Variants in TYW1 observed in about 807,000 individuals in gnomAD.
TYW1 encodes the protein S-adenosyl-L-methionine-dependent tRNA 4-demethylwyosine synthase TYW1.
A neutral mutation model predicts 96.2 loss-of-function variants in TYW1; 46 were observed. That is an observed-to-expected ratio of 0.48 (90% CI 0.38 to 0.61). The LOEUF is 0.61. Among genes scored for constraint, TYW1 ranks in the 20% least tolerant of loss-of-function variants. TYW1 has a pLI of 0.00. For synonymous variants in TYW1, 274 were observed against 323.0 expected (o/e 0.85, Z 1.63); for missense variants, 684 against 909.6 (o/e 0.75, Z 3.19).
intron 11 of TYW1, among the ~76,000 whole-genome samples, chr7:67,085,045 A>G (rs780423367): frequency 4.3e-4 from 65 of 152,320 alleles, no homozygotes; most frequent in Non-Finnish European, 6.9e-4. Context: ...AAATAGTCCC[A>G]GCCAAGACTG....
chr7:67,079,619 T>G (rs1303424085), intron 10 of TYW1, among the ~76,000 whole-genome samples: 1 of 152,002 alleles, frequency 6.6e-6, no homozygotes, highest in African/African-American at 2.4e-5. Context: ...TTATTATTTT[T>G]TTCTGTTCTA....
At chr7:67,034,985 C>G (rs1239754432) in intron 7 of TYW1, among the ~76,000 whole-genome samples, 4 of 152,200 alleles carry the variant, frequency 2.6e-5, no homozygotes, top group African/African-American at 9.6e-5. Context: ...ATCAATCTTT[C>G]AAATCTTGTC....
intron 2 of TYW1, 93 bp downstream of exon 2, chr7:66,998,288 G>A (rs1325623426): frequency 1.6e-5 from 23 of 1,482,490 alleles, no homozygotes; most frequent in Non-Finnish European, 1.8e-5. Context: ...TTACTTTTGT[G>A]TTTGGTCTTT....
At chr7:67,039,174 A>AGGCC (rs1484468453) in intron 7 of TYW1, among the ~76,000 whole-genome samples, 13 of 152,118 alleles carry the variant, frequency 8.5e-5, no homozygotes, top group African/African-American at 3.1e-4. Context: ...AATGACAAGT[A>AGGCC]GGCCGGGTGC....
chr7:67,112,177 A>G (rs1797438815), intron 12 of TYW1, among the ~76,000 whole-genome samples: 1 of 151,818 alleles, frequency 6.6e-6, no homozygotes. Context: ...ACAAGTTCAC[A>G]ATCTTTTACC....
chr7:67,137,196 G>GAA (rs1375538942), intron 13 of TYW1, among the ~76,000 whole-genome samples: 3 of 152,136 alleles, frequency 2.0e-5, no homozygotes, highest in Admixed American at 6.6e-5. Context: ...TTTCTAGAAA[G>GAA]AAAGATGCTA....
At chr7:67,037,924 A>G (rs538597243) in intron 7 of TYW1, among the ~76,000 whole-genome samples, 54 of 152,362 alleles carry the variant, frequency 3.5e-4, no homozygotes, top group Non-Finnish European at 5.9e-4. Flanking sequence ...TTCCTAATAC[A>G]TGTCATGTGT....
intron 13 of TYW1, among the ~76,000 whole-genome samples, chr7:67,134,541 CA>C (rs397947738): frequency 1.2e-3 from 159 of 137,074 alleles, no homozygotes; most frequent in Admixed American, 1.3e-3. Flanking sequence ...GACTTCATCT[CA>C]AAAAAAAAAA....
intron 9 of TYW1, among the ~76,000 whole-genome samples, chr7:67,066,548 A>G (rs1050854101): frequency 1.3e-5 from 2 of 152,170 alleles, no homozygotes; most frequent in Non-Finnish European, 2.9e-5. Context: ...AATGTCTCAA[A>G]TATGTATGCT....
Position 67,100,026 on chromosome 7 carries a change from G to A in TYW1, c.1562+1308G>A, listed in dbSNP as rs1317424627. On this transcript the variant is annotated intron_variant, in intron 12 of 15. Coordinates refer to ENST00000359626, the MANE Select transcript of TYW1 (RefSeq NM_018264.4). ...TCAAAAAAAAAAAGATGCTATTGAA[G>A]GATTGCTAGGTATGATTGGCAAACT... Among the ~76,000 whole-genome samples the A allele has an allele frequency of 2.6e-5, 4 of 152,108 alleles. No individual in the cohort carries two copies. The East Asian group carries it at 7.7e-4, about 29-fold the overall frequency.
chr7:67,234,356 A>AGG (rs1160716801), intron 15 of TYW1, among the ~76,000 whole-genome samples: 46 of 150,994 alleles, frequency 3.0e-4, no homozygotes, highest in Middle Eastern at 3.4e-3. Context: ...CTTAAAAAAA[A>AGG]AAAAAAAAAA....
chr7:67,137,665 C>T (rs879915229), intron 13 of TYW1, among the ~76,000 whole-genome samples: 16 of 152,016 alleles, frequency 1.1e-4, no homozygotes, highest in Admixed American at 3.9e-4. Flanking sequence ...ACTTGGTCTG[C>T]GTGGCTGAGC....
rs370325464 is a variant in TYW1, at chr7:66,996,945, C to T, written c.-34C>T. 7 of 1,613,910 alleles carry T rather than the reference C, an allele frequency of 4.3e-6. No individual in the cohort carries two copies. In the African/African-American group the frequency reaches 8.0e-5, roughly 18 times the overall value. ...GTGCGAATCATCGGGCTATCCAGGT[C>T]CGAGATCCTAGTCTCCTGTCGGCTC... On this transcript the variant is annotated 5_prime_UTR_variant, in exon 1 of 16. Coordinates refer to ENST00000359626, the MANE Select transcript of TYW1 (RefSeq NM_018264.4).
chr7:67,167,989 A>G (rs9654851), intron 13 of TYW1, among the ~76,000 whole-genome samples: 42,584 of 151,672 alleles, frequency 0.28, 6,500 homozygotes, highest in African/African-American at 0.4. Context: ...TCCTGACCTC[A>G]TGATCCGCCC....
intron 3 of TYW1, among the ~76,000 whole-genome samples, chr7:67,002,932 CT>C (rs1172886027): frequency 1.4e-5 from 2 of 148,126 alleles, no homozygotes; most frequent in African/African-American, 5.0e-5. Context: ...TCCCAAAGTG[CT>C]GGGATTTTTG....
chr7:67,168,123 A>ATCTG lies in TYW1; in HGVS notation c.1699-15002_1699-15001insCTGT, dbSNP rs1378012342. ...TTTTTATTCCTAGCTTTATGTGACT[A>ATCTG]TTATCAATGGCTATTGGGTTTTTAT... On this transcript the variant is annotated intron_variant, in intron 13 of 15. Transcript: ENST00000359626. Among the ~76,000 whole-genome samples the ATCTG allele has an allele frequency of 3.6e-4, 50 of 138,936 alleles. 1 individual carries two copies. The highest frequency in any genetic ancestry group is 1.3e-3 in the African/African-American group (47 of 35,986). 91.1% of individuals were successfully genotyped at this position (138,936 alleles called of 152,430 possible).
intron 13 of TYW1, among the ~76,000 whole-genome samples, chr7:67,120,080 C>CT (rs1797715542): frequency 6.1e-5 from 9 of 146,592 alleles, no homozygotes; most frequent in African/African-American, 2.3e-4. Context: ...TTCTTTTTTT[C>CT]TTCTTTTTTT....
chr7:67,141,548 T>C (rs1427846956), intron 13 of TYW1, among the ~76,000 whole-genome samples: 2 of 152,236 alleles, frequency 1.3e-5, no homozygotes, highest in Non-Finnish European at 2.9e-5. Flanking sequence ...CGTGTTTGTC[T>C]AGCCAAAATA....
chr7:67,143,054 C>CAAAAAA (rs35144189), intron 13 of TYW1, among the ~76,000 whole-genome samples: 3 of 136,390 alleles, frequency 2.2e-5, no homozygotes, highest in African/African-American at 8.1e-5. Context: ...AACTCCATCT[C>CAAAAAA]AAAAAAAAAA....
Sources: gnomAD v4.1 joint callset for allele counts (sites outside exome capture counted in the v4.1 genomes callset) on GRCh38, gnomAD v4.1.1 for gene constraint, MANE v1.5 for transcripts, NCBI Gene and HGNC (gene_info 2026-07-23, HGNC 2026-07-21) for gene names.